Variants in PHACTR2 observed in about 807,000 individuals in gnomAD.
PHACTR2 encodes the protein phosphatase and actin regulator 2.
In PHACTR2, 30 loss-of-function variants were observed where a neutral mutation model predicts 76.0. The ratio of observed to expected loss-of-function variants is 0.39; its 90% confidence interval spans 0.30 to 0.54. PHACTR2 has a LOEUF of 0.54. Among genes scored for constraint, PHACTR2 ranks in the 20% least tolerant of loss-of-function variants. The pLI, the probability that PHACTR2 is intolerant of heterozygous loss-of-function variation, is 0.61. For synonymous variants in PHACTR2, 292 were observed against 292.5 expected, an observed-to-expected ratio of 1.00 and a Z score of 0.02; for missense variants, 696 against 781.1, an observed-to-expected ratio of 0.89 and a Z score of 1.30.
At position 143,621,370 on chromosome 6, in the gene PHACTR2, G is replaced by A. The variant is rs533172665; in HGVS notation, c.13+13048G>A. 4.3e-4 allele frequency among the ~76,000 whole-genome samples: 65 copies of A among 152,138 alleles called. No individual in the cohort carries two copies. Among genetic ancestry groups the A allele is most frequent in the Non-Finnish European group, 5.7e-4 (39 of 68,024 alleles). ...ATCCCGAGCCCTCTCAGGCCTCCTC[G>A]GTGCAGAAGGGCAAATCCTTCCCAT... is the stretch of plus-strand genomic sequence containing the variant. On this transcript the variant is annotated intron_variant, in intron 1 of 11. Coordinates refer to the PHACTR2 transcript ENST00000305766. This position sits in a 1 kb window ranked among gnomAD's most constrained non-coding sequence, Gnocchi z 4.1.
At chr6:143,728,992 T>A (rs1778639499) in intron 2 of PHACTR2, among the ~76,000 whole-genome samples, 1 of 152,178 alleles carries the variant, frequency 6.6e-6, no homozygotes, top group Non-Finnish European at 1.5e-5. Flanking sequence ...AATTTGACTA[T>A]ATTAAACTAT....
At chr6:143,538,365 T>G (rs1781138953) in intron 1 of PHACTR2, among the ~76,000 whole-genome samples, 1 of 152,272 alleles carries the variant, frequency 6.6e-6, no homozygotes, top group African/African-American at 2.4e-5. Context: ...CATTTTAAAC[T>G]GCTTTTGAAC....
At chr6:143,682,784 T>G (rs1167545428) in intron 1 of PHACTR2, among the ~76,000 whole-genome samples, 3 of 136,760 alleles carry the variant, frequency 2.2e-5, no homozygotes, top group Admixed American at 2.2e-4. Flanking sequence ...TTGTTTTTTG[T>G]TTTTTGTTTT....
rs1778870839 is a variant in PHACTR2 at position 143,738,601 on chromosome 6, CA to C, written c.215-10379del. Among the ~76,000 whole-genome samples, 1 of 151,364 alleles carries C rather than the reference CA, an allele frequency of 6.6e-6. No homozygotes were observed. The highest frequency in any genetic ancestry group is 2.1e-4 in the South Asian group (1 of 4,784). ...CCCATCTCTTAAAAAAAATACAAAA[CA>C]AAAATTAGCTGGGCATGGTGGTGCA... On this transcript the variant is annotated intron_variant, in intron 2 of 12. Transcript: ENST00000440869. This position sits in a 1 kb window ranked among gnomAD's most constrained non-coding sequence, Gnocchi z 4.0.
Position 143,712,098 on chromosome 6 carries a change from G to A in PHACTR2, c.129G>A (p.Gly43=), listed in dbSNP as rs770800659. 10 of 1,596,314 alleles carry A rather than the reference G, an allele frequency of 6.3e-6. No homozygotes were observed. The highest frequency in any genetic ancestry group is 1.7e-4 in the Middle Eastern group (1 of 5,972). The change falls in exon 2 of 13, where the codon GGG becomes GGA. Residue 43 remains glycine, a synonymous_variant. Transcript: ENST00000440869. ...GSQTPPFKRK[G]KLSTIGKIFK... is the part of the protein sequence containing the mutation. ...AAACACCTCCCTTCAAAAGAAAGGGGAAACTATCCACCATTGGTAAAATCT... is the reference window on the plus strand; with the variant it reads ...AAACACCTCCCTTCAAAAGAAAGGGAAAACTATCCACCATTGGTAAAATCT...
rs114455900 is a variant in PHACTR2 at position 143,566,174 on chromosome 6, A to G, written c.217+28967A>G. Among the ~76,000 whole-genome samples, 1,284 of 152,192 alleles carry G rather than the reference A, an allele frequency of 8.4e-3. 24 individuals are homozygous for G. The highest frequency in any genetic ancestry group is 0.028 in the African/African-American group (1,151 of 41,540). ...AGATGGCATCTCGCTATGTTGCCCA[A>G]GCTGGCCTTGAACTCCAGGCCTCAA... On this transcript the variant is annotated intron_variant, in intron 1 of 11. Coordinates refer to the PHACTR2 transcript ENST00000367584.
Position 143,721,340 on chromosome 6 carries a change from C to T in PHACTR2, c.214+9157C>T, listed in dbSNP as rs1218668968. ...ACAAAATTGAGTTTAACCCATAATA[C>T]GCCTGAAGCCTGGGACTATTAATAT... On this transcript the variant is annotated intron_variant, in intron 2 of 12. Coordinates refer to ENST00000440869, the MANE Select transcript of PHACTR2 (RefSeq NM_001100164.2). Among the ~76,000 whole-genome samples the T allele has an allele frequency of 1.2e-4, 18 of 152,292 alleles. No individual in the cohort carries two copies. The East Asian group carries it at 2.1e-3, about 18-fold the overall frequency.
rs1438230749 is a variant in PHACTR2, at chr6:143,680,155, A to G, written c.46+1946A>G. ...AGATTCCAAATGAAAACCAAAAAAA[A>G]AAAAATTTAAATTAAATAACGTTTG... On this transcript the variant is annotated intron_variant, in intron 1 of 12. Transcript: ENST00000440869. This position sits in a 1 kb window ranked among gnomAD's most constrained non-coding sequence, Gnocchi z 4.5. 6.6e-6 allele frequency among the ~76,000 whole-genome samples: 1 copy of G among 152,176 alleles called. No homozygotes were observed. The highest frequency in any genetic ancestry group is 1.5e-5 in the Non-Finnish European group (1 of 68,010).
In PHACTR2 at chr6:143,820,892, G is replaced by A. The variant is rs973000534; in HGVS notation, c.1923-2782G>A. Among the ~76,000 whole-genome samples the A allele has an allele frequency of 1.3e-5, 2 of 152,236 alleles. No homozygotes were observed. Among genetic ancestry groups the A allele is most frequent in the Admixed American group, 6.5e-5 (1 of 15,290 alleles). ...TTTCCATGTATCCCCTGAAATCTAG[G>A]TGGAGTGTCTGAAGCTTCCATCACT... On this transcript the variant is annotated intron_variant, in intron 12 of 12. Transcript: ENST00000440869. The surrounding 1 kb of genome is among the most constrained non-coding windows in gnomAD (Gnocchi z 4.2).
At chr6:143,586,275 C>T (rs11155306) in intron 1 of PHACTR2, among the ~76,000 whole-genome samples, 97,329 of 144,636 alleles carry the variant, frequency 0.67, 31,739 homozygotes, top group Middle Eastern at 0.74. Context: ...GACTGTTTAT[C>T]TTATTTTTCT....
In PHACTR2 at chr6:143,827,344, A is replaced by C. The variant is rs970042971; in HGVS notation, c.*3655A>C. ...GACAGACACAACTTTCAAAAATCTT[A>C]CTGTATTCACAATAGAAAAGGGTAG... is the stretch of plus-strand genomic sequence containing the variant. On this transcript the variant is annotated 3_prime_UTR_variant, in exon 13 of 13. Coordinates refer to ENST00000440869, the MANE Select transcript of PHACTR2 (RefSeq NM_001100164.2). The C allele has an allele frequency of 6.6e-6, 1 of 151,626 alleles. No individual in the cohort carries two copies. The highest frequency in any genetic ancestry group is 2.4e-5 in the African/African-American group (1 of 41,282). The allele number at this position is 151,626 out of a possible 1,614,324, so 9.4% of individuals were successfully genotyped here.
upstream of PHACTR2, among the ~76,000 whole-genome samples, chr6:143,676,743 T>TAAA (rs551563271): frequency 7.6e-5 from 11 of 144,550 alleles, no homozygotes; most frequent in African/African-American, 2.8e-4. This position sits in a 1 kb window ranked among gnomAD's most constrained non-coding sequence, Gnocchi z 4.8. Flanking sequence ...TCAATTTCAT[T>TAAA]AAAAAAAAAA....
upstream of PHACTR2, among the ~76,000 whole-genome samples, chr6:143,677,648 G>A (rs1223126454): frequency 2.6e-5 from 4 of 152,238 alleles, no homozygotes; most frequent in African/African-American, 7.2e-5. Flanking sequence ...CAAATAGAAT[G>A]TAAGGAAGGA....
chr6:143,752,918 C>T (rs1022751547), intron 3 of PHACTR2, among the ~76,000 whole-genome samples: 3 of 152,190 alleles, frequency 2.0e-5, no homozygotes, highest in Non-Finnish European at 4.4e-5. Flanking sequence ...TTAAATGTTT[C>T]TGCAAAGTCT....
rs1778760713 is a variant in PHACTR2 at position 143,733,873 on chromosome 6, T to C, written c.215-15112T>C. On this transcript the variant is annotated intron_variant, in intron 2 of 12. Coordinates refer to ENST00000440869, the MANE Select transcript of PHACTR2 (RefSeq NM_001100164.2). This position sits in a 1 kb window ranked among gnomAD's most constrained non-coding sequence, Gnocchi z 4.0. The stretch of plus-strand genomic sequence containing the variant: ...GAAATTCTGTGGGCAAGAGATATTA[T>C]ATAATAATTTTATTACGTATGCTTT... Among the ~76,000 whole-genome samples the C allele has an allele frequency of 6.6e-6, 1 of 152,230 alleles. No homozygotes were observed. Among genetic ancestry groups the C allele is most frequent in the Non-Finnish European group, 1.5e-5 (1 of 68,044 alleles).
At chr6:143,785,640 GCCCCACCCCAC>G (rs1413892309) in intron 10 of PHACTR2, among the ~76,000 whole-genome samples, 1 of 152,158 alleles carries the variant, frequency 6.6e-6, no homozygotes, top group African/African-American at 2.4e-5. Flanking sequence ...TTCTCCATGA[GCCCCACCCCAC>G]CCCCAACCCT....
chr6:143,560,896 TGTGTGTGTG>T (rs1775261414), intron 1 of PHACTR2, among the ~76,000 whole-genome samples: 1 of 149,484 alleles, frequency 6.7e-6, no homozygotes, highest in Non-Finnish European at 1.5e-5. Flanking sequence ...TGTGTGTGTG[TGTGTGTGTG>T]TGTGTGTGTG....
At position 143,611,544 on chromosome 6, in the gene PHACTR2, A is replaced by G. The variant is rs1166321941; in HGVS notation, c.13+3222A>G. Among the ~76,000 whole-genome samples, 1 of 152,152 alleles carries G rather than the reference A, an allele frequency of 6.6e-6. No individual in the cohort carries two copies. Among genetic ancestry groups the G allele is most frequent in the Non-Finnish European group, 1.5e-5 (1 of 68,028 alleles). On this transcript the variant is annotated intron_variant, in intron 1 of 11. Coordinates refer to the PHACTR2 transcript ENST00000305766. The surrounding 1 kb of genome is among the most constrained non-coding windows in gnomAD (Gnocchi z 4.4). ...GAAACTCTATGCATTTAATTTTCTCATTGGTAAGGGGTGACAATAATGGTA... is the reference window on the plus strand; with the variant it reads ...GAAACTCTATGCATTTAATTTTCTCGTTGGTAAGGGGTGACAATAATGGTA...
In PHACTR2 at chr6:143,800,803, C is replaced by T. The variant is rs1454429796; in HGVS notation, c.1846-6254C>T. Reference sequence around the variant, plus strand: ...TTCTTCCTAGCATCAGTGGTCTTTACAATTTGGCATGTTTTTGCAGTGGCT... The same window carrying T: ...TTCTTCCTAGCATCAGTGGTCTTTATAATTTGGCATGTTTTTGCAGTGGCT... On this transcript the variant is annotated intron_variant, in intron 11 of 12. Coordinates refer to ENST00000440869, the MANE Select transcript of PHACTR2 (RefSeq NM_001100164.2). The surrounding 1 kb of genome is among the most constrained non-coding windows in gnomAD (Gnocchi z 4.8). Among the ~76,000 whole-genome samples, 3 of 152,198 alleles carry T rather than the reference C, an allele frequency of 2.0e-5. No homozygotes were observed. Among genetic ancestry groups the T allele is most frequent in the African/African-American group, 7.2e-5 (3 of 41,432 alleles).
Sources: allele counts gnomAD v4.1 joint callset (sites outside exome capture counted in the v4.1 genomes callset), GRCh38; gene constraint gnomAD v4.1.1; non-coding constraint Gnocchi (gnomAD v3.1); transcripts MANE v1.5; gene names NCBI Gene and HGNC (gene_info 2026-07-23, HGNC 2026-07-21).